Variants in CHODL observed in about 807,000 individuals in gnomAD.
CHODL encodes the protein chondrolectin.
In CHODL, 29 loss-of-function variants were observed where a neutral mutation model predicts 34.5. The observed-to-expected ratio is 0.84, with a 90% CI of 0.63 to 1.15. The LOEUF (loss-of-function observed/expected upper bound fraction) is 1.15, where lower values mean the gene tolerates loss of function less well. CHODL is among the 50% of genes most tolerant of loss of function. The pLI, the probability that CHODL is intolerant of heterozygous loss-of-function variation, is 0.00. For synonymous variants in CHODL, 125 were observed against 116.1 expected, an observed-to-expected ratio of 1.08 and a Z score of -0.49; for missense variants, 332 against 332.5, an observed-to-expected ratio of 1.00 and a Z score of 0.01.
chr21:18,153,909 G>C (rs1039582401), intron 2 of CHODL, among the ~76,000 whole-genome samples: 1 of 152,074 alleles, frequency 6.6e-6, no homozygotes, highest in Admixed American at 6.6e-5. Context: ...TTCAGGTGGG[G>C]CAGTGCAGTG....
At chr21:18,174,638 AT>A (rs923926038) in intron 2 of CHODL, among the ~76,000 whole-genome samples, 1 of 151,946 alleles carries the variant, frequency 6.6e-6, no homozygotes, top group Non-Finnish European at 1.5e-5. Context: ...GATTAAATTG[AT>A]TTTTTTTAAT....
intron 2 of CHODL, among the ~76,000 whole-genome samples, chr21:18,209,608 A>C (rs2073751779): frequency 6.6e-6 from 1 of 152,058 alleles, no homozygotes; most frequent in South Asian, 2.1e-4. Context: ...TCTCCACATA[A>C]CCATGACAGC....
intron 1 of CHODL, among the ~76,000 whole-genome samples, chr21:18,001,893 A>G (rs1031199448): frequency 2.0e-5 from 3 of 151,712 alleles, no homozygotes; most frequent in Non-Finnish European, 2.9e-5. Context: ...TGAAGAAAAT[A>G]TCTGGATATA....
intron 2 of CHODL, among the ~76,000 whole-genome samples, chr21:18,038,229 A>G (rs1156646353): frequency 1.3e-5 from 2 of 151,734 alleles, no homozygotes; most frequent in Non-Finnish European, 3.0e-5. Flanking sequence ...TAAATTGTGC[A>G]TTTCCCCAAG....
chr21:18,193,215 T>C (rs902669247), intron 2 of CHODL, among the ~76,000 whole-genome samples: 1 of 152,158 alleles, frequency 6.6e-6, no homozygotes, highest in Non-Finnish European at 1.5e-5. Flanking sequence ...GAAATTATTA[T>C]TGAATTATTA....
At position 18,265,950 on chromosome 21, in the gene CHODL, T is replaced by C. The variant is rs547694897; in HGVS notation, c.738-4T>C. On this transcript the variant is annotated splice_polypyrimidine_tract_variant and splice_region_variant and intron_variant, in intron 5 of 5. Transcript: ENST00000299295. ...CACTAAACATTTTTTCTTATGTTTT[T>C]CAGTAAAGGAAGAACAAAAACTAGT... 2 of 1,606,852 alleles carry C rather than the reference T, an allele frequency of 1.2e-6. No homozygotes were observed. Among genetic ancestry groups the C allele is most frequent in the Admixed American group, 1.7e-5 (1 of 58,676 alleles).
At chr21:18,179,851 T>C (rs1334541125) in intron 2 of CHODL, among the ~76,000 whole-genome samples, 1 of 152,244 alleles carries the variant, frequency 6.6e-6, no homozygotes, top group East Asian at 1.9e-4. Flanking sequence ...TGACAACATA[T>C]GACCTTCTTA....
chr21:18,257,923 AG>A (rs1366995609), intron 3 of CHODL, among the ~76,000 whole-genome samples: 1 of 152,184 alleles, frequency 6.6e-6, no homozygotes, highest in African/African-American at 2.4e-5. Context: ...AAGTCAAGTT[AG>A]ATCCTTAGGC....
chr21:17,994,883 G>C (rs2063833586), intron 1 of CHODL, among the ~76,000 whole-genome samples: 1 of 152,164 alleles, frequency 6.6e-6, no homozygotes, highest in South Asian at 2.1e-4. Flanking sequence ...GCCACTGGAG[G>C]GGGATGGGGT....
intron 2 of CHODL, among the ~76,000 whole-genome samples, chr21:18,232,485 A>G (rs2073989014): frequency 6.6e-6 from 1 of 152,008 alleles, no homozygotes; most frequent in Non-Finnish European, 1.5e-5. Context: ...GAATGAACAA[A>G]TGCCTCTTTA....
intron 1 of CHODL, among the ~76,000 whole-genome samples, chr21:17,934,323 A>T (rs952980578): frequency 1.3e-5 from 2 of 152,202 alleles, no homozygotes; most frequent in African/African-American, 4.8e-5. Context: ...AATAGAAAAA[A>T]TAACATCCGA....
chr21:18,245,374 C>A, intron 1 of CHODL, 72 bp downstream of exon 1: 1 of 1,325,906 alleles, frequency 7.5e-7, no homozygotes, highest in South Asian at 1.5e-5. Context: ...GCAGCCTGTT[C>A]TCGGGCGGAG....
intron 1 of CHODL, among the ~76,000 whole-genome samples, chr21:18,006,151 C>T (rs1341810915): frequency 1.4e-4 from 21 of 152,110 alleles, no homozygotes. Flanking sequence ...GCTGAGGCTT[C>T]CCCAGCCACG....
At position 18,189,401 on chromosome 21, in the gene CHODL, A is replaced by T. The variant is rs114122202; in HGVS notation, c.-44-67108A>T. Among the ~76,000 whole-genome samples the T allele has an allele frequency of 6.9e-3, 1,044 of 152,278 alleles. 13 individuals carry two copies. The highest frequency in any genetic ancestry group is 0.024 in the African/African-American group (1,000 of 41,566). On this transcript the variant is annotated intron_variant, in intron 2 of 6. Coordinates refer to the CHODL transcript ENST00000400127. ...GTTGTTTGTGCTCAAATTGCTGGACATGACAATTTCACTGGTGGCCTTTCA... is the reference window on the plus strand; with the variant it reads ...GTTGTTTGTGCTCAAATTGCTGGACTTGACAATTTCACTGGTGGCCTTTCA...
intron 1 of CHODL, among the ~76,000 whole-genome samples, chr21:17,927,494 T>C (rs1600973344): frequency 6.6e-6 from 1 of 152,148 alleles, no homozygotes; most frequent in East Asian, 1.9e-4. Flanking sequence ...TGTGGTATAT[T>C]TGCATTTAAT....
intron 2 of CHODL, among the ~76,000 whole-genome samples, chr21:18,039,004 A>G (rs779832085): frequency 6.6e-6 from 1 of 151,692 alleles, no homozygotes; most frequent in Non-Finnish European, 1.5e-5. Flanking sequence ...TTACCTAGAT[A>G]AGTCCATGGG....
At chr21:17,981,229 C>A (rs144012135) in intron 1 of CHODL, among the ~76,000 whole-genome samples, 2 of 152,100 alleles carry the variant, frequency 1.3e-5, no homozygotes, top group African/African-American at 4.8e-5. Flanking sequence ...TAGGCTCTGA[C>A]GTGTAGGTGC....
rs140929619 is a variant in CHODL at position 18,047,813 on chromosome 21, C to G, written c.-45+19842C>G. Among the ~76,000 whole-genome samples the G allele has an allele frequency of 3.3e-3, 500 of 152,060 alleles. 4 individuals carry two copies. The highest frequency in any genetic ancestry group is 0.012 in the African/African-American group (480 of 41,514). On this transcript the variant is annotated intron_variant, in intron 2 of 6. Coordinates refer to the CHODL transcript ENST00000400127. Reference sequence around the variant, plus strand: ...ACCATCTTAGATGTCATACCACCTGCTCTGACCTAAAGCACTTTGGCAGAT... The same window carrying G: ...ACCATCTTAGATGTCATACCACCTGGTCTGACCTAAAGCACTTTGGCAGAT...
intron 1 of CHODL, among the ~76,000 whole-genome samples, chr21:18,248,509 T>C (rs995561773): frequency 6.8e-6 from 1 of 147,564 alleles, no homozygotes; most frequent in African/African-American, 2.5e-5. Context: ...TGTCATCATT[T>C]TATGGTTTTG....
Sources: gnomAD v4.1 joint callset for allele counts (sites outside exome capture counted in the v4.1 genomes callset) on GRCh38, gnomAD v4.1.1 for gene constraint, MANE v1.5 for transcripts, NCBI Gene and HGNC (gene_info 2026-07-23, HGNC 2026-07-21) for gene names.